Variants in CFAP20DC observed in about 807,000 individuals in gnomAD.
CFAP20DC encodes the protein protein CFAP20DC.
Under a neutral mutation model 101.7 loss-of-function variants are expected in CFAP20DC, and 84 were observed. The observed-to-expected ratio is 0.83, with a 90% CI of 0.69 to 0.99. CFAP20DC has a LOEUF of 0.99. Ranked by LOEUF, CFAP20DC falls within the 50% of genes least tolerant of loss-of-function variation. The pLI is 0.00. For synonymous variants in CFAP20DC, 359 were observed against 351.2 expected, an observed-to-expected ratio of 1.02 and a Z score of -0.25; for missense variants, 1,007 against 970.3, an observed-to-expected ratio of 1.04 and a Z score of -0.50.
At chr3:58,804,483 C>A (rs538585995) in intron 15 of CFAP20DC, among the ~76,000 whole-genome samples, 14 of 152,054 alleles carry the variant, frequency 9.2e-5, no homozygotes, top group South Asian at 8.3e-4. Flanking sequence ...GTGCCTCAGC[C>A]TCCTGAGTAG....
chr3:58,757,345 G>C (rs1357456908), intron 15 of CFAP20DC, among the ~76,000 whole-genome samples: 1 of 151,706 alleles, frequency 6.6e-6, no homozygotes, highest in African/African-American at 2.4e-5. Context: ...ATATTTAAGG[G>C]CATGTATGTA....
intron 4 of CFAP20DC, among the ~76,000 whole-genome samples, chr3:58,974,275 G>A (rs1236563248): frequency 6.6e-6 from 1 of 152,012 alleles, no homozygotes; most frequent in Non-Finnish European, 1.5e-5. Flanking sequence ...CCCCCTACTA[G>A]TAGTCCTCAG....
chr3:58,761,342 T>C (rs2069572483), intron 15 of CFAP20DC, among the ~76,000 whole-genome samples: 1 of 152,180 alleles, frequency 6.6e-6, no homozygotes, highest in Non-Finnish European at 1.5e-5. Context: ...TATAGTATTC[T>C]CTGATGGTAG....
intron 6 of CFAP20DC, among the ~76,000 whole-genome samples, chr3:58,890,313 C>T (rs1382335173): frequency 2.1e-5 from 3 of 139,934 alleles, no homozygotes; most frequent in African/African-American, 5.3e-5. Context: ...GGGGGGCTGA[C>T]CCCCCCACCT....
At chr3:58,719,852 G>A (rs1043793228) in intron 3 of CFAP20DC, among the ~76,000 whole-genome samples, 2 of 152,218 alleles carry the variant, frequency 1.3e-5, no homozygotes, top group African/African-American at 2.4e-5. Flanking sequence ...CCAGTAGACA[G>A]ACCACTTGGC....
intron 12 of CFAP20DC, among the ~76,000 whole-genome samples, chr3:58,854,588 C>A (rs1296839758): frequency 6.6e-6 from 1 of 152,176 alleles, no homozygotes. Context: ...TCAAACTATA[C>A]TACAAGGCTA....
rs576318760 is a variant in CFAP20DC, at chr3:59,040,331, C to A, written c.206-702G>T. Among the ~76,000 whole-genome samples the A allele has an allele frequency of 5.9e-5, 9 of 152,160 alleles. No individual in the cohort carries two copies. The South Asian group carries it at 1.2e-3, about 21-fold the overall frequency. ...CATTTTTGACAGCTAAATTCTACAA[C>A]TGCTTAAAAAATCAATTGATTTTAT... On this transcript the variant is annotated intron_variant, in intron 3 of 16. Coordinates refer to ENST00000482387, the MANE Select transcript of CFAP20DC (RefSeq NM_001394063.1).
intron 4 of CFAP20DC, among the ~76,000 whole-genome samples, chr3:58,988,041 C>A (rs1430475046): frequency 2.6e-5 from 4 of 151,826 alleles, no homozygotes; most frequent in Non-Finnish European, 4.4e-5. Flanking sequence ...TATGTGTCTA[C>A]AAGTCTTAAA....
intron 14 of CFAP20DC, among the ~76,000 whole-genome samples, chr3:58,825,556 C>CACACACAA (rs1455660969): frequency 6.6e-6 from 1 of 151,746 alleles, no homozygotes; most frequent in Non-Finnish European, 1.5e-5. Context: ...CACACACACA[C>CACACACAA]AACATGGCTT....
At chr3:58,766,738 G>C (rs967585701) in intron 15 of CFAP20DC, among the ~76,000 whole-genome samples, 1 of 152,154 alleles carries the variant, frequency 6.6e-6, no homozygotes, top group Non-Finnish European at 1.5e-5. Context: ...TGGCCACGCT[G>C]GTCTTCTCTG....
At chr3:58,829,736 C>T (rs1368203798) in intron 14 of CFAP20DC, among the ~76,000 whole-genome samples, 3 of 152,134 alleles carry the variant, frequency 2.0e-5, no homozygotes, top group Admixed American at 2.0e-4. Flanking sequence ...AGATGTCATG[C>T]AGGAGACTTC....
chr3:58,841,846 G>A (rs1015666191), intron 13 of CFAP20DC, among the ~76,000 whole-genome samples: 1 of 152,082 alleles, frequency 6.6e-6, no homozygotes, highest in Non-Finnish European at 1.5e-5. Context: ...ACTTTTTCTG[G>A]AGCTATAAAG....
At chr3:58,959,843 A>T (rs1042719919) in intron 4 of CFAP20DC, among the ~76,000 whole-genome samples, 1 of 152,250 alleles carries the variant, frequency 6.6e-6, no homozygotes, top group Non-Finnish European at 1.5e-5. Context: ...AATTTGCAGA[A>T]GATTGTCATC....
At chr3:58,891,174 G>A (rs2082209501) in intron 6 of CFAP20DC, among the ~76,000 whole-genome samples, 1 of 152,020 alleles carries the variant, frequency 6.6e-6, no homozygotes, top group South Asian at 2.1e-4. Flanking sequence ...TGCAATCCCG[G>A]CACCTTGGGA....
intron 4 of CFAP20DC, among the ~76,000 whole-genome samples, chr3:58,957,855 TA>T (rs1010861122): frequency 6.6e-6 from 1 of 152,240 alleles, no homozygotes; most frequent in African/African-American, 2.4e-5. Context: ...CTGGGAAGTG[TA>T]GCGGGCAGGT....
chr3:58,763,827 T>C (rs960103255), intron 15 of CFAP20DC, among the ~76,000 whole-genome samples: 4 of 152,242 alleles, frequency 2.6e-5, no homozygotes, highest in African/African-American at 9.6e-5. Context: ...TGCCTGGGTA[T>C]CAGCAGCGGA....
intron 6 of CFAP20DC, among the ~76,000 whole-genome samples, chr3:58,902,556 A>T (rs143259412): frequency 6.6e-6 from 1 of 152,224 alleles, no homozygotes; most frequent in East Asian, 1.9e-4. Flanking sequence ...GTGTTTGTCT[A>T]CCATTTGGAT....
At chr3:58,903,325 T>C (rs769957442) in intron 6 of CFAP20DC, among the ~76,000 whole-genome samples, 1 of 152,194 alleles carries the variant, frequency 6.6e-6, no homozygotes. Context: ...AATTTTTGTA[T>C]ACGATATGTG....
In CFAP20DC at chr3:58,862,736, A is replaced by G. The variant is rs1011069170; in HGVS notation, c.1593+822T>C. The G allele has an allele frequency of 3.1e-6, 3 of 968,768 alleles. No individual in the cohort carries two copies. The East Asian group carries it at 3.4e-4, about 111-fold the overall frequency. The allele number at this position is 968,768 out of a possible 1,614,324, so 60.0% of individuals were successfully genotyped here. On this transcript the variant is annotated intron_variant, in intron 12 of 16. Coordinates refer to ENST00000482387, the MANE Select transcript of CFAP20DC (RefSeq NM_001394063.1). Reference sequence around the variant, plus strand: ...TTCTAGTTATTTCTATAATTTCTATATAGAAAAGCTTTGTACATTTTCACT... The same window carrying G: ...TTCTAGTTATTTCTATAATTTCTATGTAGAAAAGCTTTGTACATTTTCACT...
Sources: allele counts gnomAD v4.1 joint callset (sites outside exome capture counted in the v4.1 genomes callset), GRCh38; gene constraint gnomAD v4.1.1; transcripts MANE v1.5; gene names NCBI Gene and HGNC (gene_info 2026-07-23, HGNC 2026-07-21).